CHIC1: variants seen among roughly 807,000 people sequenced by gnomAD.
CHIC1 encodes the protein cysteine-rich hydrophobic domain-containing protein 1.
Under a neutral mutation model 18.5 loss-of-function variants are expected in CHIC1, and 7 were observed. That is an observed-to-expected ratio of 0.38 (90% CI 0.22 to 0.71). CHIC1 has a LOEUF of 0.71. Among genes scored for constraint, CHIC1 ranks in the 30% least tolerant of loss-of-function variants. The pLI is 0.49. For synonymous variants in CHIC1, 77 were observed against 73.5 expected, an observed-to-expected ratio of 1.05 and a Z score of -0.25; for missense variants, 159 against 176.9, an observed-to-expected ratio of 0.90 and a Z score of 0.57.
chrX:73,653,956 T>C (rs930413580), intron 3 of CHIC1, among the ~76,000 whole-genome samples: 1 of 112,612 alleles, frequency 8.9e-6, no homozygotes, highest in Non-Finnish European at 1.9e-5. Flanking sequence ...CTTTAGGCTT[T>C]CCTAATTATA....
chrX:73,670,524 G>C (rs1556515859), intron 3 of CHIC1, among the ~76,000 whole-genome samples: 1 of 109,628 alleles, frequency 9.1e-6, no homozygotes, highest in African/African-American at 3.3e-5. Flanking sequence ...AAAATTAGTA[G>C]ACTAATTTTA....
chrX:73,621,407 C>T (rs1037502620), intron 3 of CHIC1, among the ~76,000 whole-genome samples: 1 of 111,704 alleles, frequency 9.0e-6, no homozygotes, highest in African/African-American at 3.3e-5. Context: ...TGAAGAGGTC[C>T]TTCACATCCT....
chrX:73,628,824 TGTG>T (rs1167313461), intron 3 of CHIC1, among the ~76,000 whole-genome samples: 1 of 111,555 alleles, frequency 9.0e-6, no homozygotes, highest in Admixed American at 9.5e-5. Flanking sequence ...TATCTATCCT[TGTG>T]GGGGTGAGGA....
intron 1 of CHIC1, among the ~76,000 whole-genome samples, chrX:73,571,066 A>G (rs1421436435): frequency 1.8e-5 from 2 of 110,510 alleles, no homozygotes; most frequent in Admixed American, 1.9e-4. Flanking sequence ...GAAGCAGTGG[A>G]CAGTTCATTT....
chrX:73,678,986 A>G (rs1221230974), intron 3 of CHIC1, among the ~76,000 whole-genome samples: 2 of 112,125 alleles, frequency 1.8e-5, no homozygotes. Context: ...TAAATTCATA[A>G]ATGGACTACT....
chrX:73,634,281 G>T (rs1360508109), intron 3 of CHIC1, among the ~76,000 whole-genome samples: 1 of 112,227 alleles, frequency 8.9e-6, no homozygotes, highest in Admixed American at 9.4e-5. Flanking sequence ...TTCTGTCCTA[G>T]GGGACAAGTG....
At chrX:73,638,855 G>C (rs2057842363) in intron 3 of CHIC1, among the ~76,000 whole-genome samples, 1 of 111,787 alleles carries the variant, frequency 8.9e-6, no homozygotes, top group Admixed American at 9.5e-5. Flanking sequence ...CAAAGGACAT[G>C]ATCTTATTTT....
intron 3 of CHIC1, among the ~76,000 whole-genome samples, chrX:73,610,599 G>A (rs762722336): frequency 9.2e-6 from 1 of 108,842 alleles, no homozygotes; most frequent in Non-Finnish European, 1.9e-5. Context: ...ATTAGAATGA[G>A]TTAGGAAGAA....
In CHIC1 at chrX:73,635,943, T is replaced by C. The variant is rs190374429; in HGVS notation, c.508-43383T>C. On this transcript the variant is annotated intron_variant, in intron 3 of 5. Coordinates refer to ENST00000373502, the MANE Select transcript of CHIC1 (RefSeq NM_001039840.4). ...AGTACTCTCTTTTCTTTCTCTCTTG[T>C]TGTTAACATCATTATTGAAAGTGGT... Among the ~76,000 whole-genome samples, 582 of 111,940 alleles carry C rather than the reference T, an allele frequency of 5.2e-3. 1 individual carries two copies. Among genetic ancestry groups the C allele is most frequent in the African/African-American group, 0.018 (561 of 30,818 alleles).
intron 3 of CHIC1, among the ~76,000 whole-genome samples, chrX:73,615,420 G>A (rs2057727999): frequency 8.9e-6 from 1 of 111,764 alleles, no homozygotes; most frequent in Admixed American, 9.5e-5. Context: ...GACAATGGCA[G>A]TAGGAGTGGC....
intron 3 of CHIC1, among the ~76,000 whole-genome samples, chrX:73,604,201 A>G (rs1419376956): frequency 9.6e-6 from 1 of 103,812 alleles, no homozygotes; most frequent in Non-Finnish European, 1.9e-5. Context: ...TGGTCTATTC[A>G]GGAATTTGAC....
intron 3 of CHIC1, among the ~76,000 whole-genome samples, chrX:73,674,591 AT>A (rs2058051403): frequency 1.8e-5 from 2 of 111,442 alleles, no homozygotes; most frequent in African/African-American, 6.5e-5. Context: ...CCCCTTTATC[AT>A]TTTTTATTGC....
intron 3 of CHIC1, among the ~76,000 whole-genome samples, chrX:73,648,820 A>G (rs2057901915): frequency 9.0e-6 from 1 of 111,610 alleles, no homozygotes; most frequent in Non-Finnish European, 1.9e-5. Context: ...CCTAGTAAGA[A>G]CAACATTCAA....
intron 3 of CHIC1, 81 bp from the exon 4 acceptor site, chrX:73,679,245 G>A: frequency 3.3e-6 from 2 of 602,355 alleles, no homozygotes; most frequent in South Asian, 5.4e-5. Context: ...GATGTTACAA[G>A]TAGGCAGAAA....
At chrX:73,604,680 G>A (rs2057670331) in intron 3 of CHIC1, among the ~76,000 whole-genome samples, 1 of 108,809 alleles carries the variant, frequency 9.2e-6, no homozygotes, top group Non-Finnish European at 1.9e-5. Flanking sequence ...CTTTAGTTGT[G>A]TCCCAGAGAT....
chrX:73,609,714 A>T (rs924168855), intron 3 of CHIC1, among the ~76,000 whole-genome samples: 3 of 109,929 alleles, frequency 2.7e-5, no homozygotes, highest in Non-Finnish European at 5.6e-5. Context: ...TGGAGTACAT[A>T]TAATATTTTG....
chrX:73,655,283 CGTGTGTGT>C (rs1002330921), intron 3 of CHIC1, among the ~76,000 whole-genome samples: 1 of 101,158 alleles, frequency 9.9e-6, no homozygotes, highest in Admixed American at 1.1e-4. Flanking sequence ...TGTGTGTGTG[CGTGTGTGT>C]GTGTGTATGT....
intron 3 of CHIC1, among the ~76,000 whole-genome samples, chrX:73,673,108 T>C (rs2058040923): frequency 8.9e-6 from 1 of 112,031 alleles, no homozygotes; most frequent in Non-Finnish European, 1.9e-5. Flanking sequence ...CATTGATCTA[T>C]ATCTGTTTTG....
chrX:73,572,810 G>A (rs1041033546), intron 1 of CHIC1, among the ~76,000 whole-genome samples: 16 of 110,271 alleles, frequency 1.5e-4, no homozygotes, highest in Admixed American at 5.8e-4. Flanking sequence ...TTTGTTTATT[G>A]CCTATTGAAT....
Sources: gnomAD v4.1 joint callset for allele counts (sites outside exome capture counted in the v4.1 genomes callset) on GRCh38, gnomAD v4.1.1 for gene constraint, MANE v1.5 for transcripts, NCBI Gene and HGNC (gene_info 2026-07-23, HGNC 2026-07-21) for gene names.